The following LGMN variants were observed in gnomAD, a reference collection of about 807,000 sequenced individuals.
LGMN encodes legumain.
Under a neutral mutation model 56.8 loss-of-function variants are expected in LGMN, and 36 were observed. The observed-to-expected ratio is 0.63, with a 90% CI of 0.49 to 0.84. The LOEUF is 0.84. Ranked by LOEUF, LGMN falls within the 40% of genes least tolerant of loss-of-function variation. LGMN has a pLI of 0.00. For synonymous variants in LGMN, 199 were observed against 210.1 expected (o/e 0.95, Z 0.46); for missense variants, 446 against 556.1 (o/e 0.80, Z 1.99).
intron 10 of LGMN, among the ~76,000 whole-genome samples, chr14:92,710,507 G>A (rs1307009236): frequency 6.6e-6 from 1 of 152,214 alleles, no homozygotes; most frequent in Non-Finnish European, 1.5e-5. Context: ...GGCTCGATTT[G>A]GCTGTAGCGG....
chr14:92,723,958 G>A (rs906642394), intron 2 of LGMN, among the ~76,000 whole-genome samples: 4 of 152,194 alleles, frequency 2.6e-5, no homozygotes, highest in Admixed American at 6.5e-5. Flanking sequence ...TCTCAAACTC[G>A]TGGCCTCAAG....
intron 10 of LGMN, 39 bp from the exon 11 acceptor site, chr14:92,709,911 CGAGA>C (rs760406026): frequency 9.3e-6 from 14 of 1,511,820 alleles, no homozygotes; most frequent in East Asian, 9.1e-5. Flanking sequence ...AGAGAGAAAG[CGAGA>C]GAGAGTGAGA....
intron 1 of LGMN, among the ~76,000 whole-genome samples, chr14:92,745,420 A>C (rs1891773378): frequency 6.6e-6 from 1 of 152,156 alleles, no homozygotes; most frequent in African/African-American, 2.4e-5. Context: ...ATAAAACACC[A>C]CTTACCTATC....
intron 1 of LGMN, chr14:92,742,855 G>C (rs986048796): frequency 2.0e-5 from 3 of 151,976 alleles, no homozygotes; most frequent in South Asian, 4.2e-4. Context: ...GACCAGCCTG[G>C]GCAACATAGG....
intron 2 of LGMN, among the ~76,000 whole-genome samples, chr14:92,726,034 C>T (rs960518261): frequency 1.3e-5 from 2 of 151,356 alleles, no homozygotes; most frequent in East Asian, 2.0e-4. Context: ...GTCAGGAGAT[C>T]GAGACCAGTC....
chr14:92,747,226 A>G (rs1891860972), intron 1 of LGMN, among the ~76,000 whole-genome samples: 1 of 151,042 alleles, frequency 6.6e-6, no homozygotes, highest in East Asian at 2.0e-4. Flanking sequence ...AGACGTGGTG[A>G]CTCATGCCTG....
intron 8 of LGMN, among the ~76,000 whole-genome samples, chr14:92,712,414 T>C (rs1889829989): frequency 6.6e-6 from 1 of 152,106 alleles, no homozygotes; most frequent in South Asian, 2.1e-4. Context: ...AAAATACAAG[T>C]CTCCCAACAG....
chr14:92,746,662 G>A (rs758497199), intron 1 of LGMN, among the ~76,000 whole-genome samples: 13 of 152,120 alleles, frequency 8.5e-5, no homozygotes, highest in Non-Finnish European at 1.8e-4. Context: ...TGGCTTCCTG[G>A]ACATTCAGGA....
At chr14:92,725,886 T>A (rs532697841) in intron 2 of LGMN, among the ~76,000 whole-genome samples, 2 of 152,180 alleles carry the variant, frequency 1.3e-5, no homozygotes, top group African/African-American at 4.8e-5. Context: ...CGGATTTTTT[T>A]AAATATAAAA....
chr14:92,708,881 A>AAAAAAAC (rs1889587964), intron 11 of LGMN, among the ~76,000 whole-genome samples: 2 of 146,402 alleles, frequency 1.4e-5, no homozygotes, highest in South Asian at 4.3e-4. Flanking sequence ...AAAAAAAAAA[A>AAAAAAAC]TCTTGCCTAG....
chr14:92,728,435 A>G (rs1484141993), intron 2 of LGMN, among the ~76,000 whole-genome samples: 9 of 152,242 alleles, frequency 5.9e-5, no homozygotes, highest in Admixed American at 5.9e-4. Flanking sequence ...CGTTACTGTC[A>G]TGAATACTGC....
chr14:92,747,251 T>C (rs1459896489), intron 1 of LGMN, among the ~76,000 whole-genome samples: 8 of 151,942 alleles, frequency 5.3e-5, no homozygotes, highest in Non-Finnish European at 1.2e-4. Flanking sequence ...CCCAGCACTT[T>C]GGGAGGCTGA....
intron 7 of LGMN, 74 bp from the exon 8 acceptor site, chr14:92,712,945 C>G: frequency 7.4e-7 from 1 of 1,357,666 alleles, no homozygotes; most frequent in Admixed American, 1.9e-5. Context: ...GGAGCTCTGC[C>G]CACTCTCTCT....
At chr14:92,716,285 T>C in intron 4 of LGMN, 64 bp from the exon 5 acceptor site, 1 of 1,180,160 alleles carries the variant, frequency 8.5e-7, no homozygotes, top group Non-Finnish European at 1.3e-6. Context: ...GTTGGCTGAG[T>C]CTGCAACCGA....
intron 2 of LGMN, among the ~76,000 whole-genome samples, chr14:92,731,459 C>T (rs565818453): frequency 6.6e-6 from 1 of 152,300 alleles, no homozygotes; most frequent in East Asian, 1.9e-4. Context: ...AATTACTCCC[C>T]AGTCTCTCCT....
At chr14:92,708,375 A>G (rs1889554429) in intron 11 of LGMN, among the ~76,000 whole-genome samples, 1 of 151,888 alleles carries the variant, frequency 6.6e-6, no homozygotes, top group African/African-American at 2.4e-5. Flanking sequence ...AGGTGGGAAG[A>G]TCACTTGAGC....
chr14:92,728,275 C>T (rs575858732), intron 2 of LGMN, among the ~76,000 whole-genome samples: 9 of 152,272 alleles, frequency 5.9e-5, no homozygotes, highest in African/African-American at 1.9e-4. Flanking sequence ...ACAAGGAGTG[C>T]GCAGCCTGGA....
intron 12 of LGMN, among the ~76,000 whole-genome samples, chr14:92,705,772 C>T (rs1232341939): frequency 1.3e-5 from 2 of 151,930 alleles, no homozygotes; most frequent in African/African-American, 2.4e-5. Flanking sequence ...GGATTACGGG[C>T]GTGCACCACC....
chr14:92,730,933 CA>C (rs111868362), intron 2 of LGMN, among the ~76,000 whole-genome samples: 1,406 of 114,652 alleles, frequency 0.012, 11 homozygotes, highest in African/African-American at 0.035. Context: ...CTGTCTCAAC[CA>C]AAAAAAAAAA....
Sources: allele counts gnomAD v4.1 joint callset (sites outside exome capture counted in the v4.1 genomes callset), GRCh38; gene constraint gnomAD v4.1.1; transcripts MANE v1.5; gene names NCBI Gene and HGNC (gene_info 2026-07-23, HGNC 2026-07-21).